The following ADAM20 variants were observed in gnomAD, a reference collection of about 807,000 sequenced individuals.
ADAM20 encodes the protein ADAM metallopeptidase domain 20, also known as disintegrin and metalloproteinase domain-containing protein 20.
For missense variants in ADAM20, 871 were observed against 883.2 expected, an observed-to-expected ratio of 0.99 and a Z score of 0.18; for synonymous variants, 305 against 310.2, an observed-to-expected ratio of 0.98 and a Z score of 0.18.
the ADAM20 span, among the ~76,000 whole-genome samples, chr14:70,574,530 C>T: frequency 6.6e-6 from 1 of 152,080 alleles, no homozygotes; most frequent in South Asian, 2.1e-4. Flanking sequence ...GTCCCAGCTA[C>T]TCAGGAGGCT....
Position 70,524,831 on chromosome 14 carries a change from C to T in ADAM20, c.-74G>A. ...GGTGTGAGGCACTGCTGGTCTGGCT[C>T]CTCCCTCTGAGCTGTTCAGGGTGCA... is the stretch of plus-strand genomic sequence containing the variant. On this transcript the variant is annotated 5_prime_UTR_variant, in exon 2 of 2. Transcript: ENST00000256389. The T allele has an allele frequency of 6.2e-7, 1 of 1,613,242 alleles. No homozygotes were observed. Among genetic ancestry groups the T allele is most frequent in the Non-Finnish European group, 8.5e-7 (1 of 1,179,922 alleles).
chr14:70,524,515 C>T lies in ADAM20; in HGVS notation c.243G>A (p.Leu81=). 1.2e-6 allele frequency: 2 copies of T among 1,614,014 alleles called. No homozygotes were observed. ...ACACAGGAAGGTGTGCAGCAAACAA[C>T]AGCTTATTTACCCTCATGTGGACAA... ...RYIVHMRVNK[L]LFAAHLPVFT... The change falls in exon 2 of 2, where the codon CTG becomes CTA. Residue 81 remains leucine (L), a synonymous_variant. Coordinates refer to ENST00000256389, the MANE Select transcript of ADAM20 (RefSeq NM_003814.5).
At chr14:70,548,938 A>C in the ADAM20 span, among the ~76,000 whole-genome samples, 1 of 123,096 alleles carries the variant, frequency 8.1e-6, no homozygotes, top group Non-Finnish European at 1.7e-5. Context: ...AAAGCCCATG[A>C]GACTAACAGC....
upstream of ADAM20, among the ~76,000 whole-genome samples, chr14:70,539,901 C>A (rs914402731): frequency 7.2e-5 from 11 of 152,142 alleles, no homozygotes; most frequent in African/African-American, 2.7e-4. Context: ...CACCATGGGA[C>A]CAGAAGGCGG....
In ADAM20 at chr14:70,522,513, T is replaced by A. The variant is rs1595013456; in HGVS notation, c.*64A>T. 7.2e-7 allele frequency: 1 copy of A among 1,395,566 alleles called. No homozygotes were observed. The highest frequency in any genetic ancestry group is 2.5e-5 in the East Asian group (1 of 40,086). 86.4% of individuals were successfully genotyped at this position (1,395,566 alleles called of 1,614,324 possible). ...AGTGAGACATGGCTTCATATTTTTCTATTAAAAAATTGGATATTAAAAATG... is the reference window on the plus strand; with the variant it reads ...AGTGAGACATGGCTTCATATTTTTCAATTAAAAAATTGGATATTAAAAATG... On this transcript the variant is annotated 3_prime_UTR_variant, in exon 2 of 2. Coordinates refer to ENST00000256389, the MANE Select transcript of ADAM20 (RefSeq NM_003814.5).
At chr14:70,529,361 A>T (rs1276419436) in intron 1 of ADAM20, among the ~76,000 whole-genome samples, 1 of 152,336 alleles carries the variant, frequency 6.6e-6, no homozygotes, top group Admixed American at 6.5e-5. Flanking sequence ...GAGACTAGCT[A>T]TCAATAATGT....
At chr14:70,556,687 TAC>T in the ADAM20 span, 1 of 152,220 alleles carries the variant, frequency 6.6e-6, no homozygotes, top group Non-Finnish European at 1.5e-5. Context: ...TTTCAATAAA[TAC>T]AGTCGGCCCT....
At chr14:70,529,823 G>C (rs1261519239) in intron 1 of ADAM20, among the ~76,000 whole-genome samples, 1 of 152,096 alleles carries the variant, frequency 6.6e-6, no homozygotes, top group Non-Finnish European at 1.5e-5. Context: ...TAAACACTGT[G>C]CACTTAGGCT....
the ADAM20 span, among the ~76,000 whole-genome samples, chr14:70,543,533 G>A: frequency 1.3e-5 from 2 of 152,006 alleles, no homozygotes; most frequent in Non-Finnish European, 2.9e-5. Flanking sequence ...TTAAAGAAGG[G>A]GCTAAAAAGC....
At chr14:70,577,774 C>G in the ADAM20 span, among the ~76,000 whole-genome samples, 1 of 152,088 alleles carries the variant, frequency 6.6e-6, no homozygotes, top group African/African-American at 2.4e-5. Flanking sequence ...CAAGACTATT[C>G]AATGGAAAAA....
chr14:70,533,852 G>A (rs938512687), intron 1 of ADAM20, among the ~76,000 whole-genome samples: 2 of 151,560 alleles, frequency 1.3e-5, no homozygotes, highest in Non-Finnish European at 2.9e-5. Context: ...GGAGGCTAAG[G>A]TGGGTGGATC....
intron 1 of ADAM20, among the ~76,000 whole-genome samples, chr14:70,531,450 C>T (rs1018344832): frequency 6.6e-6 from 1 of 152,036 alleles, no homozygotes; most frequent in African/African-American, 2.4e-5. Context: ...AGATCTGGAA[C>T]AAGGCAAGAA....
the ADAM20 span, among the ~76,000 whole-genome samples, chr14:70,540,897 A>G: frequency 6.6e-6 from 1 of 152,122 alleles, no homozygotes; most frequent in East Asian, 1.9e-4. Flanking sequence ...GGTTCAAGAG[A>G]TTCTCTTGCC....
upstream of ADAM20, among the ~76,000 whole-genome samples, chr14:70,539,293 C>T (rs373339909): frequency 1.3e-5 from 2 of 152,206 alleles, no homozygotes; most frequent in African/African-American, 2.4e-5. Context: ...GCCAACAACG[C>T]GTGATGTGCT....
rs752215671 is a variant in ADAM20, at chr14:70,524,090, G to C, written c.668C>G (p.Ser223Cys). ...CTGCACTGTTGTTGCATTACTTTGAGAGAAAAGATATCTAATATTATCCAC... is the reference window on the plus strand; with the variant it reads ...CTGCACTGTTGTTGCATTACTTTGACAGAAAAGATATCTAATATTATCCAC... ...VVVDNIRYLF[S>C]QSNATTVQHE... The change falls in exon 2 of 2, where the codon TCT (serine) becomes TGT (cysteine). Residue 223 changes from serine to cysteine, a missense_variant. Coordinates refer to ENST00000256389, the MANE Select transcript of ADAM20 (RefSeq NM_003814.5). 2.5e-6 allele frequency: 4 copies of C among 1,613,938 alleles called. No homozygotes were observed. Among genetic ancestry groups the C allele is most frequent in the Non-Finnish European group, 3.4e-6 (4 of 1,179,958 alleles).
chr14:70,571,455 C>T, the ADAM20 span, among the ~76,000 whole-genome samples: 1 of 152,202 alleles, frequency 6.6e-6, no homozygotes, highest in African/African-American at 2.4e-5. Flanking sequence ...TCTGCTTTCC[C>T]TTATGCCATG....
chr14:70,524,820 C>A lies in ADAM20; in HGVS notation c.-63G>T. On this transcript the variant is annotated 5_prime_UTR_variant, in exon 2 of 2. Transcript: ENST00000256389. ...GAAGAGAACAAGGTGTGAGGCACTGCTGGTCTGGCTCCTCCCTCTGAGCTG... is the reference window on the plus strand; with the variant it reads ...GAAGAGAACAAGGTGTGAGGCACTGATGGTCTGGCTCCTCCCTCTGAGCTG... The A allele has an allele frequency of 1.9e-6, 3 of 1,613,342 alleles. No individual in the cohort carries two copies. Among genetic ancestry groups the A allele is most frequent in the Non-Finnish European group, 2.5e-6 (3 of 1,179,928 alleles).
At chr14:70,555,507 C>T in the ADAM20 span, among the ~76,000 whole-genome samples, 1 of 152,066 alleles carries the variant, frequency 6.6e-6, no homozygotes, top group Non-Finnish European at 1.5e-5. Flanking sequence ...TATACGAACA[C>T]CCTCTTAGTC....
chr14:70,553,308 A>AT, the ADAM20 span, among the ~76,000 whole-genome samples: 1 of 84,024 alleles, frequency 1.2e-5, no homozygotes, highest in African/African-American at 6.2e-5. Context: ...TTAGAGTATA[A>AT]TAAAAAAAAA....
Sources: allele counts gnomAD v4.1 joint callset (sites outside exome capture counted in the v4.1 genomes callset), GRCh38; gene constraint gnomAD v4.1.1; transcripts MANE v1.5; gene names NCBI Gene and HGNC (gene_info 2026-07-23, HGNC 2026-07-21).